Variants in SFMBT2 observed in about 807,000 individuals in gnomAD.
SFMBT2 encodes Scm like with four mbt domains 2.
Under a neutral mutation model 110.1 loss-of-function variants are expected in SFMBT2, and 38 were observed. That is an observed-to-expected ratio of 0.35 (90% CI 0.27 to 0.45). The LOEUF is 0.45. Ranked by LOEUF, SFMBT2 falls within the 20% of genes least tolerant of loss-of-function variation. The pLI, the probability that SFMBT2 is intolerant of heterozygous loss-of-function variation, is 1.00. For synonymous variants in SFMBT2, 425 were observed against 425.4 expected (o/e 1.00, Z 0.01); for missense variants, 1,011 against 1,094.9 (o/e 0.92, Z 1.08).
At chr10:7,182,764 T>A (rs1282734091) in intron 16 of SFMBT2, among the ~76,000 whole-genome samples, 1 of 150,834 alleles carries the variant, frequency 6.6e-6, no homozygotes, top group Non-Finnish European at 1.5e-5. Context: ...ATACCTAATG[T>A]TAAATGATGA....
chr10:7,399,240 G>A (rs1846007319), intron 1 of SFMBT2, among the ~76,000 whole-genome samples: 1 of 148,242 alleles, frequency 6.7e-6, no homozygotes, highest in African/African-American at 2.5e-5. Flanking sequence ...GTTTTGTTTT[G>A]TTTTTTTTTT....
intron 14 of SFMBT2, chr10:7,197,932 G>C (rs1244353585): frequency 1.0e-6 from 1 of 962,324 alleles, no homozygotes; most frequent in Non-Finnish European, 1.2e-6. Context: ...TCGTGACAAA[G>C]CAGCAGAGAA....
At position 7,202,730 on chromosome 10, in the gene SFMBT2, C is replaced by A. The variant is rs76987524; in HGVS notation, c.1445-208G>T. 402 of 985,416 alleles carry A rather than the reference C, an allele frequency of 4.1e-4. 3 individuals carry two copies. The African/African-American group carries it at 6.5e-3, about 16-fold the overall frequency. The allele number at this position is 985,416 out of a possible 1,614,324, so 61.0% of individuals were successfully genotyped here. A position where few individuals can be genotyped will look rare whatever the true frequency, so the allele number is the denominator to read the frequency against. On this transcript the variant is annotated intron_variant, in intron 12 of 20. Transcript: ENST00000397167. ...CACCAGATGTCAGATCTTAGTACAACTTCGTTCATTTAATCTTATCATTAC... is the reference window on the plus strand; with the variant it reads ...CACCAGATGTCAGATCTTAGTACAAATTCGTTCATTTAATCTTATCATTAC...
chr10:7,239,065 C>T (rs1264042312), intron 9 of SFMBT2, among the ~76,000 whole-genome samples: 47 of 152,098 alleles, frequency 3.1e-4, no homozygotes, highest in Admixed American at 3.0e-3. Context: ...GGTGTGAGGA[C>T]AAATTTTTTT....
At chr10:7,361,952 A>G (rs1410275136) in intron 4 of SFMBT2, among the ~76,000 whole-genome samples, 1 of 152,216 alleles carries the variant, frequency 6.6e-6, no homozygotes, top group Non-Finnish European at 1.5e-5. Context: ...TTTTCAATAA[A>G]TAACAATGAA....
intron 2 of SFMBT2, among the ~76,000 whole-genome samples, chr10:7,380,238 C>T (rs1845383836): frequency 1.3e-5 from 2 of 152,220 alleles, no homozygotes; most frequent in Admixed American, 1.3e-4. Flanking sequence ...TTCCATGTTT[C>T]CAGGGAGGAA....
chr10:7,170,924 G>A lies in SFMBT2; in HGVS notation c.2544+4C>T, dbSNP rs756703291. The A allele has an allele frequency of 1.7e-5, 27 of 1,613,964 alleles. No homozygotes were observed. Among genetic ancestry groups the A allele is most frequent in the African/African-American group, 4.0e-5 (3 of 74,902 alleles). On this transcript the variant is annotated splice_donor_region_variant and intron_variant, in intron 20 of 20. Coordinates refer to ENST00000397167, the MANE Select transcript of SFMBT2 (RefSeq NM_001387889.1). The surrounding 1 kb of genome is among the most constrained non-coding windows in gnomAD (Gnocchi z 4.6). ...AAACAATCGACACGCGGCAACCACCGTACCTGCTCCTGAAATATCTTGGCC... is the reference window on the plus strand; with the variant it reads ...AAACAATCGACACGCGGCAACCACCATACCTGCTCCTGAAATATCTTGGCC...
intron 7 of SFMBT2, among the ~76,000 whole-genome samples, chr10:7,274,082 T>C (rs1841689635): frequency 6.6e-6 from 1 of 152,180 alleles, no homozygotes; most frequent in Non-Finnish European, 1.5e-5. Context: ...ATATACACCA[T>C]GGAATACTAT....
At chr10:7,243,760 T>C in intron 8 of SFMBT2, 55 bp from the exon 9 acceptor site, 1 of 808,374 alleles carries the variant, frequency 1.2e-6, no homozygotes, top group Non-Finnish European at 2.1e-6. Flanking sequence ...TTACATATAA[T>C]GCTAGTATAA....
chr10:7,322,606 GAC>G (rs139616328), intron 4 of SFMBT2, among the ~76,000 whole-genome samples: 47,203 of 148,190 alleles, frequency 0.32, 9,015 homozygotes, highest in African/African-American at 0.56. Flanking sequence ...ACTTATGGAA[GAC>G]ACACACACAC....
chr10:7,217,634 T>C (rs1156368564), intron 11 of SFMBT2, among the ~76,000 whole-genome samples: 1 of 152,172 alleles, frequency 6.6e-6, no homozygotes, highest in Non-Finnish European at 1.5e-5. Context: ...ACCAATGTAT[T>C]TGTCCCATAA....
At position 7,172,794 on chromosome 10, in the gene SFMBT2, A is replaced by T; in HGVS notation, c.1985-133T>A. 1.8e-6 allele frequency: 2 copies of T among 1,132,452 alleles called. No individual in the cohort carries two copies. The highest frequency in any genetic ancestry group is 1.6e-5 in the South Asian group (1 of 61,060). The allele number at this position is 1,132,452 out of a possible 1,614,324, so 70.2% of individuals were successfully genotyped here. On this transcript the variant is annotated intron_variant, in intron 17 of 20. Coordinates refer to ENST00000397167, the MANE Select transcript of SFMBT2 (RefSeq NM_001387889.1). The surrounding 1 kb of genome is among the most constrained non-coding windows in gnomAD (Gnocchi z 4.6). ...TTGTGCCTTACGAAGTCATTCTGAGAAAACAGACCCACAGGAGAAGCACTG... is the reference window on the plus strand; with the variant it reads ...TTGTGCCTTACGAAGTCATTCTGAGTAAACAGACCCACAGGAGAAGCACTG...
intron 7 of SFMBT2, among the ~76,000 whole-genome samples, chr10:7,256,195 C>T (rs1841001821): frequency 6.6e-6 from 1 of 152,142 alleles, no homozygotes; most frequent in South Asian, 2.1e-4. Context: ...GCTTCAAACC[C>T]AAGCAGCCTG....
At chr10:7,349,754 C>T (rs530642472) in intron 4 of SFMBT2, among the ~76,000 whole-genome samples, 2 of 152,052 alleles carry the variant, frequency 1.3e-5, no homozygotes, top group South Asian at 2.1e-4. Context: ...CCACCGTGCC[C>T]GGCCCTCAAT....
intron 11 of SFMBT2, chr10:7,206,619 A>G: frequency 1.0e-6 from 1 of 973,594 alleles, no homozygotes; most frequent in Non-Finnish European, 1.2e-6. Flanking sequence ...AAAATGTGGG[A>G]CCTGATGACT....
At chr10:7,391,465 C>CAAA (rs1197734483) in intron 1 of SFMBT2, among the ~76,000 whole-genome samples, 3 of 81,200 alleles carry the variant, frequency 3.7e-5, no homozygotes, top group African/African-American at 7.6e-5. Context: ...GACTCTGTCT[C>CAAA]AAAAAAAAAA....
intron 4 of SFMBT2, among the ~76,000 whole-genome samples, chr10:7,328,581 T>A (rs1843466771): frequency 6.6e-6 from 1 of 152,238 alleles, no homozygotes; most frequent in Non-Finnish European, 1.5e-5. Flanking sequence ...CAGCTTTATG[T>A]TTTACATCTA....
rs745846779 is a variant in SFMBT2, at chr10:7,171,108, G to A, written c.2416-52C>T. On this transcript the variant is annotated intron_variant, in intron 19 of 20. Coordinates refer to ENST00000397167, the MANE Select transcript of SFMBT2 (RefSeq NM_001387889.1). This position sits in a 1 kb window ranked among gnomAD's most constrained non-coding sequence, Gnocchi z 4.9. ...AGCTGCGGCACAGTCAGCTGGCTGGGTCCTCTCCAGCACTCTCCAGGCCTC... is the reference window on the plus strand; with the variant it reads ...AGCTGCGGCACAGTCAGCTGGCTGGATCCTCTCCAGCACTCTCCAGGCCTC... 42 of 1,612,000 alleles carry A rather than the reference G, an allele frequency of 2.6e-5. No individual in the cohort carries two copies. The highest frequency in any genetic ancestry group is 3.2e-5 in the Non-Finnish European group (38 of 1,179,470).
At chr10:7,229,938 C>G (rs1412931347) in intron 9 of SFMBT2, among the ~76,000 whole-genome samples, 4 of 151,602 alleles carry the variant, frequency 2.6e-5, no homozygotes, top group Admixed American at 1.3e-4. Flanking sequence ...GGGCTGGTCT[C>G]GAACTCCTGA....
Sources: allele counts gnomAD v4.1 joint callset (sites outside exome capture counted in the v4.1 genomes callset), GRCh38; gene constraint gnomAD v4.1.1; non-coding constraint Gnocchi (gnomAD v3.1); transcripts MANE v1.5; gene names NCBI Gene and HGNC (gene_info 2026-07-23, HGNC 2026-07-21).